EFCAB12: variants seen among roughly 807,000 people sequenced by gnomAD.
The protein encoded by EFCAB12 is EF-hand calcium-binding domain-containing protein 12.
Under a neutral mutation model 53.6 loss-of-function variants are expected in EFCAB12, and 43 were observed. The observed-to-expected ratio is 0.80, with a 90% confidence interval of 0.63 to 1.03. The LOEUF (loss-of-function observed/expected upper bound fraction) is 1.03, where lower values mean the gene tolerates loss of function less well. EFCAB12 is among the 50% of genes least tolerant of loss of function. EFCAB12 has a pLI of 0.00. For missense variants in EFCAB12, 646 were observed against 730.6 expected (o/e 0.88, Z 1.34); for synonymous variants, 269 against 289.2 (o/e 0.93, Z 0.71).
intron 1 of EFCAB12, among the ~76,000 whole-genome samples, chr3:129,424,367 C>T (rs1368563306): frequency 6.6e-6 from 1 of 152,122 alleles, no homozygotes; most frequent in African/African-American, 2.4e-5. Context: ...TGGGAGAGGA[C>T]GTCCCCCTTG....
intron 4 of EFCAB12, chr3:129,414,514 CTA>C (rs2107739114): frequency 6.6e-6 from 1 of 152,288 alleles, no homozygotes; most frequent in South Asian, 2.1e-4. Flanking sequence ...AAAGCTGTGG[CTA>C]TGTTTGGGAA....
intron 1 of EFCAB12, among the ~76,000 whole-genome samples, chr3:129,428,034 G>C (rs775702580): frequency 2.0e-5 from 3 of 152,090 alleles, no homozygotes; most frequent in African/African-American, 7.2e-5. Flanking sequence ...TCATCCCTGG[G>C]CCCGGCATTT....
At chr3:129,414,560 C>CT (rs1353128079) in intron 4 of EFCAB12, 3 of 152,144 alleles carry the variant, frequency 2.0e-5, no homozygotes, top group African/African-American at 7.2e-5. Flanking sequence ...TGTAATGGTT[C>CT]TTTTTTGTTT....
At chr3:129,428,000 C>G (rs1559794706) in intron 1 of EFCAB12, among the ~76,000 whole-genome samples, 1 of 152,212 alleles carries the variant, frequency 6.6e-6, no homozygotes, top group South Asian at 2.1e-4. Flanking sequence ...CCCATACCCT[C>G]AGCACACCTT....
At chr3:129,403,913 C>T (rs2071910588) in intron 7 of EFCAB12, 1 of 182,422 alleles carries the variant, frequency 5.5e-6, no homozygotes, top group Non-Finnish European at 1.1e-5. Flanking sequence ...GCCCTGACAC[C>T]TGGCTGGGGA....
At chr3:129,412,453 GATAGA>G (rs2072056346) in intron 4 of EFCAB12, 1 of 141,176 alleles carries the variant, frequency 7.1e-6, no homozygotes, top group Non-Finnish European at 1.5e-5. Context: ...TAGATAGATA[GATAGA>G]TAGATAGATA....
intron 6 of EFCAB12, among the ~76,000 whole-genome samples, chr3:129,404,771 G>T (rs1216686346): frequency 6.6e-6 from 1 of 152,104 alleles, no homozygotes; most frequent in Admixed American, 6.6e-5. Context: ...GTCCCAGGAG[G>T]CAGGAGGATT....
Position 129,408,719 on chromosome 3 carries a change from A to C in EFCAB12, c.1175T>G (p.Phe392Cys), listed in dbSNP as rs776140225. ...CTTCCAGCATTGCAGGTAGACCAGA[A>C]AGTTGTGCCTGCGGGCCGAGTCAAT... Reference protein sequence around the residue: ...ELIDSARRHNFLVYLQCWKLC... With the variant: ...ELIDSARRHNCLVYLQCWKLC... Residue 392 changes from phenylalanine to cysteine, a missense_variant, in exon 6 of 9, where the codon TTT (phenylalanine) becomes TGT (cysteine). Phe to Cys is a radical substitution (Grantham distance 205, BLOSUM62 -2). Transcript: ENST00000505956. 3.1e-6 allele frequency: 5 copies of C among 1,588,260 alleles called. No individual in the cohort carries two copies. The East Asian group carries it at 1.1e-4, about 36-fold the overall frequency.
intron 8 of EFCAB12, 128 bp from the exon 9 acceptor site, chr3:129,401,979 G>T: frequency 7.7e-7 from 1 of 1,301,048 alleles, no homozygotes; most frequent in South Asian, 1.5e-5. Context: ...CAGCACCTCA[G>T]TCCTCCCCAC....
chr3:129,422,147 G>C (rs1488412532), intron 1 of EFCAB12, among the ~76,000 whole-genome samples: 1 of 152,072 alleles, frequency 6.6e-6, no homozygotes, highest in Admixed American at 6.5e-5. Context: ...GAGGCTTTGG[G>C]GCCAGAACGT....
intron 7 of EFCAB12, 60 bp from the exon 8 acceptor site, chr3:129,402,639 T>C (rs1365341665): frequency 3.9e-6 from 6 of 1,550,974 alleles, no homozygotes; most frequent in Non-Finnish European, 5.3e-6. Flanking sequence ...AATGGGGCTT[T>C]AGGGAGTAGG....
chr3:129,406,110 A>C (rs1175028392), intron 6 of EFCAB12, among the ~76,000 whole-genome samples: 1 of 151,996 alleles, frequency 6.6e-6, no homozygotes, highest in Non-Finnish European at 1.5e-5. Flanking sequence ...ACAGAGGGGA[A>C]GACCTAACCC....
At chr3:129,417,162 T>G (rs1382589318) in intron 3 of EFCAB12, among the ~76,000 whole-genome samples, 3 of 151,204 alleles carry the variant, frequency 2.0e-5, no homozygotes, top group Non-Finnish European at 2.9e-5. Flanking sequence ...CCTTCTCTAC[T>G]AAAAATACAA....
At chr3:129,410,971 T>C (rs1184597076) in intron 5 of EFCAB12, among the ~76,000 whole-genome samples, 187 bp downstream of exon 5, 2 of 152,180 alleles carry the variant, frequency 1.3e-5, no homozygotes, top group African/African-American at 4.8e-5. Context: ...TACTACATTT[T>C]ACAAAAACCT....
chr3:129,402,727 ACCC>A, intron 7 of EFCAB12, 148 bp from the exon 8 acceptor site: 9 of 727,094 alleles, frequency 1.2e-5, no homozygotes, highest in Non-Finnish European at 1.8e-5. Flanking sequence ...CCTGGGGTGG[ACCC>A]TGACTCTGTG....
In EFCAB12 at chr3:129,401,543, G is replaced by A; in HGVS notation, c.*50C>T. ...GTGTCTGGGCTCTGGGCCGCTGGCT[G>A]CACTGGCCCCTGGCCCAGGAAGGCT... On this transcript the variant is annotated 3_prime_UTR_variant, in exon 9 of 9. Coordinates refer to ENST00000505956, the MANE Select transcript of EFCAB12 (RefSeq NM_207307.3). 1 of 1,474,822 alleles carries A rather than the reference G, an allele frequency of 6.8e-7. No individual in the cohort carries two copies. Among genetic ancestry groups the A allele is most frequent in the Non-Finnish European group, 9.0e-7 (1 of 1,106,028 alleles). 91.4% of individuals were successfully genotyped at this position (1,474,822 alleles called of 1,614,324 possible). A position where few individuals can be genotyped will look rare whatever the true frequency, so the allele number is the denominator to read the frequency against.
At chr3:129,406,978 G>A (rs2071961569) in intron 6 of EFCAB12, among the ~76,000 whole-genome samples, 2 of 151,766 alleles carry the variant, frequency 1.3e-5, no homozygotes, top group Admixed American at 1.3e-4. Context: ...CTCCTGCCTT[G>A]GCCTCCCAAA....
intron 5 of EFCAB12, 51 bp downstream of exon 5, chr3:129,411,107 C>T (rs1176991559): frequency 7.8e-6 from 12 of 1,530,674 alleles, no homozygotes; most frequent in Non-Finnish European, 1.1e-5. Flanking sequence ...GATCTGAACC[C>T]CAGCTGCTCC....
intron 1 of EFCAB12, among the ~76,000 whole-genome samples, chr3:129,427,439 C>A (rs2072287649): frequency 1.3e-5 from 2 of 152,194 alleles, no homozygotes; most frequent in South Asian, 4.1e-4. Context: ...TGAGAACCAT[C>A]TTTATTTGCC....
Sources: allele counts gnomAD v4.1 joint callset (sites outside exome capture counted in the v4.1 genomes callset), GRCh38; gene constraint gnomAD v4.1.1; transcripts MANE v1.5; gene names NCBI Gene and HGNC (gene_info 2026-07-23, HGNC 2026-07-21).